Variants in PKD1L3 observed in about 807,000 individuals in gnomAD.
PKD1L3 encodes the protein polycystin 1 like 3, transient receptor potential channel interacting.
Under a neutral mutation model 184.1 loss-of-function variants are expected in PKD1L3, and 239 were observed. That is an observed-to-expected ratio of 1.30 (90% confidence interval 1.17 to 1.45). The LOEUF (loss-of-function observed/expected upper bound fraction) is 1.45. Ranked by LOEUF, PKD1L3 falls within the 40% of genes most tolerant of loss-of-function variation. The pLI is 0.00. For synonymous variants in PKD1L3, 996 were observed against 778.8 expected (o/e 1.28, Z -4.64); for missense variants, 2,660 against 2,067.2 (o/e 1.29, Z -5.56).
chr16:71,936,769 C>T (rs969476539), intron 25 of PKD1L3, among the ~76,000 whole-genome samples: 2 of 152,136 alleles, frequency 1.3e-5, no homozygotes, highest in African/African-American at 4.8e-5. Flanking sequence ...AGGCATGAGC[C>T]AATCATTTGT....
chr16:71,997,122 G>A (rs183504566), intron 2 of PKD1L3, among the ~76,000 whole-genome samples: 1 of 151,988 alleles, frequency 6.6e-6, no homozygotes, highest in Non-Finnish European at 1.5e-5. Flanking sequence ...AGACCACAGT[G>A]GTTTAATCAT....
chr16:71,947,626 C>A, intron 21 of PKD1L3, 35 bp from the exon 22 acceptor site: 1 of 1,364,652 alleles, frequency 7.3e-7, no homozygotes, highest in South Asian at 1.3e-5. Flanking sequence ...CGTGAGCAGA[C>A]ATTACAGACC....
intron 3 of PKD1L3, among the ~76,000 whole-genome samples, chr16:71,992,840 T>C (rs191949268): frequency 5.7e-4 from 87 of 152,352 alleles, no homozygotes; most frequent in Non-Finnish European, 1.1e-3. Context: ...CGATATTGAT[T>C]GCCGTCATTT....
intron 1 of PKD1L3, among the ~76,000 whole-genome samples, chr16:71,999,107 T>G (rs1232629364): frequency 6.6e-6 from 1 of 151,860 alleles, no homozygotes; most frequent in African/African-American, 2.4e-5. Flanking sequence ...CCGTCTCTAC[T>G]AAAAATACAA....
intron 11 of PKD1L3, among the ~76,000 whole-genome samples, chr16:71,974,475 T>A (rs912126482): frequency 6.6e-6 from 1 of 150,892 alleles, no homozygotes; most frequent in African/African-American, 2.4e-5. Context: ...AGCCCAGGAG[T>A]TTGAGACCTA....
At chr16:71,942,415 T>G in intron 24 of PKD1L3, 145 bp downstream of exon 24, 2 of 551,028 alleles carry the variant, frequency 3.6e-6, no homozygotes, top group Non-Finnish European at 3.3e-6. Flanking sequence ...TAAAAACACT[T>G]TTGGAGATGT....
intron 22 of PKD1L3, among the ~76,000 whole-genome samples, chr16:71,945,731 G>C (rs2038578674): frequency 6.6e-6 from 1 of 151,998 alleles, no homozygotes; most frequent in South Asian, 2.1e-4. Context: ...AAACTTGCCA[G>C]CATGTGTGTT....
chr16:71,958,814 C>T (rs976723589), intron 16 of PKD1L3, among the ~76,000 whole-genome samples: 3 of 134,132 alleles, frequency 2.2e-5, no homozygotes, highest in African/African-American at 8.5e-5. Context: ...AAGTCGGGCA[C>T]GGTGGCTCAC....
chr16:71,967,747 G>A (rs1473392953), intron 14 of PKD1L3, among the ~76,000 whole-genome samples, 159 bp downstream of exon 14: 1 of 152,152 alleles, frequency 6.6e-6, no homozygotes, highest in African/African-American at 2.4e-5. Flanking sequence ...TTACAGGCGT[G>A]AACCCCCATG....
intron 1 of PKD1L3, among the ~76,000 whole-genome samples, chr16:71,999,054 G>C (rs1000334233): frequency 6.6e-6 from 1 of 151,904 alleles, no homozygotes; most frequent in Non-Finnish European, 1.5e-5. Context: ...GGCGGATCAC[G>C]AGGTCAGGAG....
In PKD1L3 at chr16:71,977,528, T is replaced by C. The variant is rs569798146; in HGVS notation, c.1528-61A>G. 6.1e-4 allele frequency: 798 copies of C among 1,318,964 alleles called. 2 individuals are homozygous for C. The highest frequency in any genetic ancestry group is 3.1e-3 in the Middle Eastern group (17 of 5,454). 81.7% of individuals were successfully genotyped at this position (1,318,964 alleles called of 1,614,324 possible). ...ATCCATTGATGTCTTTCAAAATCCT[T>C]TATATTGATAAGGTAAGGAAACGTC... On this transcript the variant is annotated intron_variant, in intron 10 of 29. Transcript: ENST00000620267.
At chr16:71,969,739 A>C (rs2039639399) in intron 13 of PKD1L3, 136 bp downstream of exon 13, 2 of 781,832 alleles carry the variant, frequency 2.6e-6, no homozygotes, top group Admixed American at 3.1e-5. Context: ...AGATAAATTT[A>C]AGAAAAGTTT....
chr16:71,954,753 A>C (rs536753936), intron 16 of PKD1L3, among the ~76,000 whole-genome samples: 57 of 152,340 alleles, frequency 3.7e-4, no homozygotes, highest in African/African-American at 1.3e-3. Context: ...GGGCTTAAAC[A>C]CAAAATAAAC....
At chr16:71,974,934 C>A (rs956695116) in intron 11 of PKD1L3, among the ~76,000 whole-genome samples, 1 of 151,948 alleles carries the variant, frequency 6.6e-6, no homozygotes, top group East Asian at 1.9e-4. Flanking sequence ...TCAGATTTTT[C>A]CCAACGTAAA....
chr16:71,994,813 G>A (rs1453114232), intron 2 of PKD1L3, among the ~76,000 whole-genome samples: 3 of 152,002 alleles, frequency 2.0e-5, no homozygotes, highest in Admixed American at 6.6e-5. Context: ...AGCCTGGCCA[G>A]GATGGTGAAA....
intron 13 of PKD1L3, 98 bp downstream of exon 13, chr16:71,969,777 C>G (rs1378734853): frequency 3.7e-6 from 4 of 1,094,216 alleles, no homozygotes; most frequent in South Asian, 1.7e-5. Context: ...CTCCCAGTAC[C>G]AGGCTTCCTG....
intron 18 of PKD1L3, among the ~76,000 whole-genome samples, chr16:71,952,273 C>A: frequency 7.7e-6 from 1 of 129,048 alleles, no homozygotes; most frequent in Non-Finnish European, 1.5e-5. Context: ...AGTGCAGGGG[C>A]GCAATCTTGG....
chr16:71,978,112 T>C, intron 10 of PKD1L3, 143 bp downstream of exon 10: 1 of 1,021,722 alleles, frequency 9.8e-7, no homozygotes, highest in East Asian at 3.1e-5. Flanking sequence ...TGTATCTCTT[T>C]GTAAAAGTTC....
chr16:71,970,139 G>A (rs1567527734), intron 12 of PKD1L3, 34 bp from the exon 13 acceptor site: 1 of 1,501,930 alleles, frequency 6.7e-7, no homozygotes, highest in South Asian at 1.2e-5. Context: ...ATTCTAGTCA[G>A]ACAGAGTGCT....
Sources: gnomAD v4.1 joint callset for allele counts (sites outside exome capture counted in the v4.1 genomes callset) on GRCh38, gnomAD v4.1.1 for gene constraint, MANE v1.5 for transcripts, NCBI Gene and HGNC (gene_info 2026-07-23, HGNC 2026-07-21) for gene names.